The following RFTN2 variants were observed in gnomAD, a reference collection of about 807,000 sequenced individuals.
RFTN2 encodes the protein raftlin-2.
Under a neutral mutation model 52.7 loss-of-function variants are expected in RFTN2, and 34 were observed. That is an observed-to-expected ratio of 0.64 (90% confidence interval 0.49 to 0.86). RFTN2 has a LOEUF of 0.86. RFTN2 is among the 40% of genes least tolerant of loss of function. RFTN2 has a pLI of 0.00. For synonymous variants in RFTN2, 203 were observed against 217.7 expected (o/e 0.93, Z 0.59); for missense variants, 536 against 600.1 (o/e 0.89, Z 1.12).
At chr2:197,627,407 C>A (rs956207419) in intron 5 of RFTN2, among the ~76,000 whole-genome samples, 1 of 152,242 alleles carries the variant, frequency 6.6e-6, no homozygotes, top group African/African-American at 2.4e-5. Flanking sequence ...CACTGCCTGA[C>A]TGCCCGATGC....
At chr2:197,664,462 G>A (rs1302271577) in intron 1 of RFTN2, among the ~76,000 whole-genome samples, 2 of 128,426 alleles carry the variant, frequency 1.6e-5, no homozygotes, top group Non-Finnish European at 3.3e-5. Flanking sequence ...GAAGACAAAG[G>A]GAGACCCCAT....
chr2:197,577,102 T>G (rs1009083319), intron 8 of RFTN2, among the ~76,000 whole-genome samples: 12 of 152,244 alleles, frequency 7.9e-5, no homozygotes, highest in Non-Finnish European at 1.8e-4. Context: ...AGTCCCATCT[T>G]TCTGGATGGA....
intron 3 of RFTN2, among the ~76,000 whole-genome samples, chr2:197,641,932 A>G (rs1296827815): frequency 6.6e-6 from 1 of 152,240 alleles, no homozygotes; most frequent in Non-Finnish European, 1.5e-5. Context: ...AACTGTGTCC[A>G]GGAAGTCAAA....
chr2:197,585,007 A>G (rs2087572811), intron 8 of RFTN2, among the ~76,000 whole-genome samples: 1 of 152,148 alleles, frequency 6.6e-6, no homozygotes, highest in Admixed American at 6.5e-5. Context: ...ATAGTACCCC[A>G]ACTGCCGTCC....
At chr2:197,586,434 C>T (rs1158367755) in intron 8 of RFTN2, among the ~76,000 whole-genome samples, 1 of 152,102 alleles carries the variant, frequency 6.6e-6, no homozygotes, top group Admixed American at 6.6e-5. Context: ...TTTGCATTTC[C>T]AGTTTTGCTT....
At chr2:197,659,520 A>T (rs573972891) in intron 1 of RFTN2, among the ~76,000 whole-genome samples, 1 of 151,844 alleles carries the variant, frequency 6.6e-6, no homozygotes, top group African/African-American at 2.4e-5. Flanking sequence ...TTCCTCAGAT[A>T]AAAATACAAT....
At chr2:197,590,942 C>G (rs567719825) in intron 8 of RFTN2, among the ~76,000 whole-genome samples, 1 of 152,190 alleles carries the variant, frequency 6.6e-6, no homozygotes. Context: ...GTGGGGAAGA[C>G]GAGCCCAGCA....
At chr2:197,669,601 T>C (rs1205988974) in intron 1 of RFTN2, among the ~76,000 whole-genome samples, 1 of 152,158 alleles carries the variant, frequency 6.6e-6, no homozygotes, top group Non-Finnish European at 1.5e-5. Flanking sequence ...ATTAGTTAGA[T>C]TCTCATAAGA....
chr2:197,607,324 C>A (rs1574701876), intron 7 of RFTN2, among the ~76,000 whole-genome samples: 1 of 151,806 alleles, frequency 6.6e-6, no homozygotes, highest in African/African-American at 2.4e-5. Context: ...ACTCTGGGGA[C>A]AGTTGTGGGG....
At chr2:197,613,060 A>C (rs2088089567) in intron 7 of RFTN2, among the ~76,000 whole-genome samples, 1 of 152,232 alleles carries the variant, frequency 6.6e-6, no homozygotes, top group South Asian at 2.1e-4. Context: ...TATCTTAATA[A>C]TGTCATTATG....
intron 8 of RFTN2, chr2:197,587,847 T>C (rs887924962): frequency 6.0e-6 from 2 of 334,196 alleles, no homozygotes; most frequent in Non-Finnish European, 1.2e-5. Flanking sequence ...ACTTAGACTG[T>C]AGAAGTCTGA....
At chr2:197,666,635 T>C (rs569371292) in intron 1 of RFTN2, among the ~76,000 whole-genome samples, 2 of 152,354 alleles carry the variant, frequency 1.3e-5, no homozygotes, top group African/African-American at 4.8e-5. Flanking sequence ...TTTTGCATTG[T>C]ATGTGTTTGG....
At chr2:197,598,590 A>G (rs2087827325) in intron 7 of RFTN2, among the ~76,000 whole-genome samples, 1 of 152,202 alleles carries the variant, frequency 6.6e-6, no homozygotes, top group Admixed American at 6.5e-5. Context: ...GGCAATTCTG[A>G]ATGCACTAAG....
intron 5 of RFTN2, among the ~76,000 whole-genome samples, chr2:197,618,663 T>C (rs1363673893): frequency 4.9e-4 from 67 of 137,676 alleles, no homozygotes; most frequent in African/African-American, 1.8e-3. Flanking sequence ...CCGGCCGCCA[T>C]CACATCTGGG....
At chr2:197,619,732 T>G (rs1209665510) in intron 5 of RFTN2, among the ~76,000 whole-genome samples, 6 of 114,998 alleles carry the variant, frequency 5.2e-5, no homozygotes, top group Non-Finnish European at 9.0e-5. Flanking sequence ...CACCCAAGAA[T>G]GATCAATTAA....
At chr2:197,631,300 G>A in intron 4 of RFTN2, 80 bp from the exon 5 acceptor site, 2 of 970,872 alleles carry the variant, frequency 2.1e-6, no homozygotes, top group South Asian at 2.8e-5. Context: ...CTAATCATGA[G>A]ATATTCCAAG....
chr2:197,614,964 T>C (rs548407960), intron 7 of RFTN2, among the ~76,000 whole-genome samples: 1 of 152,342 alleles, frequency 6.6e-6, no homozygotes, highest in South Asian at 2.1e-4. Context: ...CATTCCTTTT[T>C]TGTTCTTTAA....
intron 1 of RFTN2, among the ~76,000 whole-genome samples, chr2:197,648,589 C>G (rs1413645034): frequency 6.6e-6 from 1 of 152,142 alleles, no homozygotes; most frequent in South Asian, 2.1e-4. Flanking sequence ...AGGAATGAAA[C>G]ATAACCTAAA....
At chr2:197,624,205 G>A (rs1338662129) in intron 5 of RFTN2, among the ~76,000 whole-genome samples, 1 of 152,182 alleles carries the variant, frequency 6.6e-6, no homozygotes, top group Non-Finnish European at 1.5e-5. Flanking sequence ...AGGCGATAAA[G>A]CAATTGGAGG....
Sources: gnomAD v4.1 joint callset for allele counts (sites outside exome capture counted in the v4.1 genomes callset) on GRCh38, gnomAD v4.1.1 for gene constraint, MANE v1.5 for transcripts, NCBI Gene and HGNC (gene_info 2026-07-23, HGNC 2026-07-21) for gene names.